SULT2B1: variants seen among roughly 807,000 people sequenced by gnomAD.
SULT2B1 encodes the protein sulfotransferase family 2B member 1.
A neutral mutation model predicts 33.2 loss-of-function variants in SULT2B1; 16 were observed. That is an observed-to-expected ratio of 0.48 (90% CI 0.33 to 0.73). The LOEUF is 0.73. SULT2B1 is among the 30% of genes least tolerant of loss of function. SULT2B1 has a pLI of 0.02. For missense variants in SULT2B1, 500 were observed against 506.0 expected, an observed-to-expected ratio of 0.99 and a Z score of 0.11; for synonymous variants, 186 against 200.5, an observed-to-expected ratio of 0.93 and a Z score of 0.61.
intron 3 of SULT2B1, among the ~76,000 whole-genome samples, chr19:48,589,173 A>G (rs10426628): frequency 0.77 from 117,810 of 152,124 alleles, 47,121 homozygotes; most frequent in African/African-American, 0.95. Context: ...GACTAGGGTG[A>G]TGGTCACGGA....
chr19:48,580,256 A>G (rs1360066220), intron 2 of SULT2B1, among the ~76,000 whole-genome samples: 3 of 150,214 alleles, frequency 2.0e-5, no homozygotes, highest in Non-Finnish European at 4.4e-5. Flanking sequence ...TTACGTGGAC[A>G]TATGTTTTCT....
At chr19:48,590,924 C>G in intron 3 of SULT2B1, among the ~76,000 whole-genome samples, 1 of 152,020 alleles carries the variant, frequency 6.6e-6, no homozygotes, top group East Asian at 2.0e-4. Flanking sequence ...GCCTCGACCT[C>G]CCGGGCTCAA....
intron 2 of SULT2B1, among the ~76,000 whole-genome samples, chr19:48,578,164 G>A (rs1182307727): frequency 6.6e-6 from 1 of 151,792 alleles, no homozygotes; most frequent in Non-Finnish European, 1.5e-5. Context: ...AGTGAGCTGC[G>A]ATCACACCAC....
chr19:48,579,714 C>A (rs1973461670), intron 2 of SULT2B1, among the ~76,000 whole-genome samples: 2 of 148,282 alleles, frequency 1.3e-5, no homozygotes, highest in Non-Finnish European at 3.0e-5. Context: ...TCAAGCGATT[C>A]TCCTGCCTCA....
In SULT2B1 at chr19:48,555,549, C is replaced by CCTCTCTCTCTCTCT. The variant is rs142655043; in HGVS notation, c.71+3253_71+3266dup. ...CCTTGCATAGGGATCCCAGAGACATCCTCTCTCTCTCTCTCTCTCTCTCTC... is the reference window on the plus strand; with the variant it reads ...CCTTGCATAGGGATCCCAGAGACATCCTCTCTCTCTCTCTCTCTCTCTCTCTCTCTCTCTCTCTC... On this transcript the variant is annotated intron_variant, in intron 1 of 6. Transcript: ENST00000201586. 6.0e-3 allele frequency among the ~76,000 whole-genome samples: 747 copies of CCTCTCTCTCTCTCT among 124,154 alleles called. 8 individuals are homozygous for CCTCTCTCTCTCTCT. Among genetic ancestry groups the CCTCTCTCTCTCTCT allele is most frequent in the Middle Eastern group, 0.018 (4 of 228 alleles). The allele number at this position is 124,154 out of a possible 152,430, so 81.4% of individuals were successfully genotyped here. A position where few individuals can be genotyped will look rare whatever the true frequency, so the allele number is the denominator to read the frequency against.
intron 1 of SULT2B1, among the ~76,000 whole-genome samples, chr19:48,571,871 G>A (rs557587775): frequency 2.2e-4 from 34 of 152,134 alleles, no homozygotes; most frequent in African/African-American, 8.2e-4. Context: ...ACAAAGACTT[G>A]AAAAAGGTGA....
Position 48,587,003 on chromosome 19 carries a change from G to A in SULT2B1, c.215-226G>A, listed in dbSNP as rs761220264. 1.2e-4 allele frequency among the ~76,000 whole-genome samples: 19 copies of A among 152,074 alleles called. 1 individual carries two copies. The highest frequency in any genetic ancestry group is 7.4e-5 in the Non-Finnish European group (5 of 68,000). On this transcript the variant is annotated intron_variant, in intron 2 of 6. Coordinates refer to ENST00000201586, the MANE Select transcript of SULT2B1 (RefSeq NM_177973.2). ...TGGGCGCTTGTAATGCTAGCTACTC[G>A]GCTGAGGCTGAGGCAGGAGAATTGC...
At chr19:48,578,325 T>C (rs1973441087) in intron 2 of SULT2B1, among the ~76,000 whole-genome samples, 1 of 152,092 alleles carries the variant, frequency 6.6e-6, no homozygotes, top group Non-Finnish European at 1.5e-5. Flanking sequence ...CTCACACCCA[T>C]AATCCCAACA....
intron 1 of SULT2B1, among the ~76,000 whole-genome samples, chr19:48,567,598 T>G (rs985219056): frequency 6.6e-6 from 1 of 151,942 alleles, no homozygotes; most frequent in Admixed American, 6.6e-5. Context: ...GACATTGGCT[T>G]TGAAGGTAGG....
intron 2 of SULT2B1, among the ~76,000 whole-genome samples, chr19:48,582,651 C>T (rs1973507610): frequency 6.6e-6 from 1 of 151,936 alleles, no homozygotes; most frequent in African/African-American, 2.4e-5. Context: ...AATAGGAGAC[C>T]AGACTGGCCT....
At chr19:48,581,736 C>G (rs1000126707) in intron 2 of SULT2B1, among the ~76,000 whole-genome samples, 1 of 151,646 alleles carries the variant, frequency 6.6e-6, no homozygotes, top group East Asian at 1.9e-4. Flanking sequence ...GGATTACAGG[C>G]GTGAGCCACC....
Position 48,556,592 on chromosome 19 carries a change from G to A in SULT2B1, c.71+4269G>A, listed in dbSNP as rs377574508. 2.2e-4 allele frequency among the ~76,000 whole-genome samples: 33 copies of A among 151,604 alleles called. No individual in the cohort carries two copies. In the East Asian group the frequency reaches 2.5e-3, roughly 12 times the overall value. On this transcript the variant is annotated intron_variant, in intron 1 of 6. Transcript: ENST00000201586. ...GACCTGAGTGGCTCTCAAATGGTTC[G>A]TTTTTTAAGCACCTCCAGGGAGAGA...
At chr19:48,577,971 C>T (rs182036932) in intron 2 of SULT2B1, among the ~76,000 whole-genome samples, 1 of 152,134 alleles carries the variant, frequency 6.6e-6, no homozygotes, top group East Asian at 1.9e-4. Context: ...AATCTCAGCA[C>T]TTTGGGAGGC....
rs1019070894 is a variant in SULT2B1 at position 48,594,733 on chromosome 19, T to C, written c.645+1917T>C. On this transcript the variant is annotated intron_variant, in intron 5 of 6. Coordinates refer to ENST00000201586, the MANE Select transcript of SULT2B1 (RefSeq NM_177973.2). ...CTGGGTGCTGCATATCAGAAGGTAG[T>C]GATGGCCGGGCATGGTGGCTCATGC... is the stretch of plus-strand genomic sequence containing the variant. Among the ~76,000 whole-genome samples the C allele has an allele frequency of 4.2e-4, 64 of 152,098 alleles. 1 individual carries two copies. The highest frequency in any genetic ancestry group is 5.9e-5 in the Non-Finnish European group (4 of 68,004).
chr19:48,563,221 A>G (rs1272522055), intron 1 of SULT2B1, among the ~76,000 whole-genome samples: 1 of 151,034 alleles, frequency 6.6e-6, no homozygotes, highest in African/African-American at 2.4e-5. Flanking sequence ...CCAGCCTCCT[A>G]TCGGATCTTA....
chr19:48,572,224 T>C (rs1973340533), intron 1 of SULT2B1, among the ~76,000 whole-genome samples: 1 of 151,816 alleles, frequency 6.6e-6, no homozygotes, highest in Non-Finnish European at 1.5e-5. Context: ...ATTTAGAGGG[T>C]GACATCTGTG....
intron 1 of SULT2B1, among the ~76,000 whole-genome samples, chr19:48,553,657 C>G (rs1184419371): frequency 2.6e-5 from 4 of 152,222 alleles, no homozygotes; most frequent in African/African-American, 9.6e-5. Context: ...TCCCCTCCCT[C>G]AGCCAGAAGC....
intron 1 of SULT2B1, among the ~76,000 whole-genome samples, chr19:48,574,786 G>T (rs1973380814): frequency 6.6e-6 from 1 of 152,204 alleles, no homozygotes; most frequent in Non-Finnish European, 1.5e-5. Flanking sequence ...AGGCCCAGCA[G>T]GCGCTCAGTG....
chr19:48,593,197 A>G (rs910533654), intron 5 of SULT2B1, among the ~76,000 whole-genome samples: 1 of 152,122 alleles, frequency 6.6e-6, no homozygotes, highest in African/African-American at 2.4e-5. Context: ...CAAGGCCACA[A>G]TGAGCTATGA....
Sources: gnomAD v4.1 joint callset for allele counts (sites outside exome capture counted in the v4.1 genomes callset) on GRCh38, gnomAD v4.1.1 for gene constraint, MANE v1.5 for transcripts, NCBI Gene and HGNC (gene_info 2026-07-23, HGNC 2026-07-21) for gene names.